Variants in SGCZ observed in about 807,000 individuals in gnomAD.
SGCZ encodes the protein zeta-sarcoglycan.
SGCZ carries 40 observed loss-of-function variants against 41.3 expected under a neutral mutation model. That is an observed-to-expected ratio of 0.97 (90% CI 0.75 to 1.26). The LOEUF (loss-of-function observed/expected upper bound fraction) is 1.26. SGCZ is among the 50% of genes most tolerant of loss of function. The pLI is 0.00. For missense variants in SGCZ, 552 were observed against 369.8 expected, an observed-to-expected ratio of 1.49 and a Z score of -4.04; for synonymous variants, 206 against 137.5, an observed-to-expected ratio of 1.50 and a Z score of -3.49.
At position 14,914,803 on chromosome 8, in the gene SGCZ, C is replaced by T. The variant is rs1037281257; in HGVS notation, c.39+322782G>A. ...GAAAAACACATTAATCCTTTCAGTA[C>T]ACTGGAGAGCTACTGTGGGAAAGAT... On this transcript the variant is annotated intron_variant, in intron 1 of 7. Transcript: ENST00000382080. Among the ~76,000 whole-genome samples, 6 of 152,160 alleles carry T rather than the reference C, an allele frequency of 3.9e-5. No individual in the cohort carries two copies. The South Asian group carries it at 1.0e-3, about 26-fold the overall frequency.
At position 14,087,478 on chromosome 8, in the gene SGCZ, C is replaced by T. The variant is rs900902194; in HGVS notation, c.*2965G>A. ...AACTACCAACCTCTTTTTCTTCTTC[C>T]GTTTGTTCCTTCCTGGCGTACACTG... On this transcript the variant is annotated 3_prime_UTR_variant, in exon 8 of 8. Coordinates refer to ENST00000382080, the MANE Select transcript of SGCZ (RefSeq NM_139167.4). 1.3e-5 allele frequency among the ~76,000 whole-genome samples: 2 copies of T among 151,482 alleles called. No individual in the cohort carries two copies. Among genetic ancestry groups the T allele is most frequent in the Middle Eastern group, 3.4e-3 (1 of 292 alleles).
chr8:14,494,505 A>G (rs1801933464), intron 2 of SGCZ, among the ~76,000 whole-genome samples: 1 of 152,160 alleles, frequency 6.6e-6, no homozygotes, highest in Non-Finnish European at 1.5e-5. Context: ...AAAGCTGAAT[A>G]CATACACACA....
chr8:14,802,071 G>C lies in SGCZ; in HGVS notation c.40-247145C>G, dbSNP rs368483984. Among the ~76,000 whole-genome samples, 64 of 152,276 alleles carry C rather than the reference G, an allele frequency of 4.2e-4. No individual in the cohort carries two copies. The Middle Eastern group carries it at 0.01, about 24-fold the overall frequency. On this transcript the variant is annotated intron_variant, in intron 1 of 7. Transcript: ENST00000382080. ...GAACAAATCTTCCCTTGAGAGAAAA[G>C]AGCATGTTGGAAATGACGGGTTGCG...
At chr8:15,076,696 C>T (rs933105888) in intron 1 of SGCZ, among the ~76,000 whole-genome samples, 12 of 151,374 alleles carry the variant, frequency 7.9e-5, no homozygotes, top group Non-Finnish European at 1.2e-4. Flanking sequence ...TACCTTTGAA[C>T]TTTTCTGTAT....
At chr8:14,199,430 G>C (rs150999112) in intron 4 of SGCZ, among the ~76,000 whole-genome samples, 1 of 151,676 alleles carries the variant, frequency 6.6e-6, no homozygotes, top group Non-Finnish European at 1.5e-5. Context: ...TTTTAATTTC[G>C]CCCTGGTCCT....
intron 6 of SGCZ, 64 bp downstream of exon 6, chr8:14,108,099 T>C (rs1802261333): frequency 7.0e-7 from 1 of 1,426,494 alleles, no homozygotes; most frequent in African/African-American, 1.4e-5. Flanking sequence ...TTTTAGTTCT[T>C]CATATATTAA....
At chr8:15,214,976 A>C (rs562496973) in intron 1 of SGCZ, among the ~76,000 whole-genome samples, 6 of 152,316 alleles carry the variant, frequency 3.9e-5, no homozygotes, top group Admixed American at 1.3e-4. Context: ...CACAATGTTA[A>C]GGTTGATATT....
intron 1 of SGCZ, among the ~76,000 whole-genome samples, chr8:14,938,083 C>T (rs1400274760): frequency 6.6e-6 from 1 of 152,072 alleles, no homozygotes; most frequent in East Asian, 1.9e-4. Context: ...CACATATATA[C>T]ATAATGATGC....
chr8:14,245,168 T>C (rs1799039742), intron 3 of SGCZ, among the ~76,000 whole-genome samples: 1 of 152,170 alleles, frequency 6.6e-6, no homozygotes, highest in South Asian at 2.1e-4. Context: ...ACCTGTCTTG[T>C]GGCAGTTTTC....
intron 2 of SGCZ, among the ~76,000 whole-genome samples, chr8:14,486,494 C>T (rs994102941): frequency 6.6e-6 from 1 of 152,212 alleles, no homozygotes; most frequent in South Asian, 2.1e-4. Flanking sequence ...AAAGATCAAA[C>T]ATTATTTGTA....
intron 1 of SGCZ, among the ~76,000 whole-genome samples, chr8:15,015,731 G>T (rs992915833): frequency 4.5e-5 from 3 of 66,854 alleles, no homozygotes; most frequent in African/African-American, 1.9e-4. Context: ...ATACACGTGT[G>T]TGTGTGTGTG....
At chr8:15,177,773 C>T (rs749865138) in intron 1 of SGCZ, among the ~76,000 whole-genome samples, 3 of 152,128 alleles carry the variant, frequency 2.0e-5, no homozygotes, top group Non-Finnish European at 4.4e-5. Context: ...AAGCAATCAG[C>T]CTGTCTTGGT....
chr8:14,309,353 C>A (rs571980620), intron 3 of SGCZ: 5 of 1,603,970 alleles, frequency 3.1e-6, no homozygotes, highest in East Asian at 2.2e-5. Flanking sequence ...ATGGGGAGGA[C>A]GATGGCTAAT....
At chr8:14,245,710 A>T (rs2117191714) in intron 3 of SGCZ, among the ~76,000 whole-genome samples, 1 of 152,300 alleles carries the variant, frequency 6.6e-6, no homozygotes, top group African/African-American at 2.4e-5. Context: ...ACAAAGGGCT[A>T]ATATCCAGAA....
intron 1 of SGCZ, among the ~76,000 whole-genome samples, chr8:14,643,134 A>C (rs1052731658): frequency 6.6e-6 from 1 of 151,682 alleles, no homozygotes; most frequent in Admixed American, 6.6e-5. Context: ...ATTTTAAAAC[A>C]TGAATAGCAA....
intron 4 of SGCZ, among the ~76,000 whole-genome samples, chr8:14,217,105 G>C (rs910459043): frequency 3.9e-5 from 6 of 152,072 alleles, no homozygotes; most frequent in African/African-American, 7.2e-5. Context: ...GCCTAACACA[G>C]TTAAACCCTG....
chr8:14,159,820 C>G (rs1803986442), intron 5 of SGCZ, among the ~76,000 whole-genome samples: 1 of 152,042 alleles, frequency 6.6e-6, no homozygotes, highest in Non-Finnish European at 1.5e-5. Flanking sequence ...TCGCAGTGTG[C>G]CAATTTAATA....
chr8:14,919,907 G>C (rs904225143), intron 1 of SGCZ, among the ~76,000 whole-genome samples: 1 of 152,130 alleles, frequency 6.6e-6, no homozygotes, highest in Non-Finnish European at 1.5e-5. Context: ...AACAGAGTGA[G>C]ACTCTGTTTT....
At chr8:15,090,623 G>C (rs767135705) in intron 1 of SGCZ, among the ~76,000 whole-genome samples, 1 of 151,830 alleles carries the variant, frequency 6.6e-6, no homozygotes, top group East Asian at 1.9e-4. Flanking sequence ...TTAAGAGCCA[G>C]AGAAACTGAT....
Sources: allele counts gnomAD v4.1 joint callset (sites outside exome capture counted in the v4.1 genomes callset), GRCh38; gene constraint gnomAD v4.1.1; transcripts MANE v1.5; gene names NCBI Gene and HGNC (gene_info 2026-07-23, HGNC 2026-07-21).